Variants in GALNTL6 observed in about 807,000 individuals in gnomAD.
GALNTL6 encodes polypeptide N-acetylgalactosaminyltransferase-like 6.
GALNTL6 carries 46 observed loss-of-function variants against 73.7 expected under a neutral mutation model. The ratio of observed to expected loss-of-function variants is 0.62; its 90% CI spans 0.49 to 0.80. The LOEUF is 0.80. GALNTL6 is among the 30% of genes least tolerant of loss of function. GALNTL6 has a pLI of 0.00. For missense variants in GALNTL6, 604 were observed against 755.0 expected (o/e 0.80, Z 2.34); for synonymous variants, 259 against 263.7 (o/e 0.98, Z 0.17).
At chr4:171,916,349 A>G (rs144896349) in intron 2 of GALNTL6, among the ~76,000 whole-genome samples, 1 of 152,144 alleles carries the variant, frequency 6.6e-6, no homozygotes, top group African/African-American at 2.4e-5. Flanking sequence ...TAATCACAAT[A>G]TATGTCATGA....
intron 5 of GALNTL6, among the ~76,000 whole-genome samples, chr4:172,753,880 G>A (rs1238693107): frequency 6.6e-6 from 1 of 152,128 alleles, no homozygotes; most frequent in Non-Finnish European, 1.5e-5. Flanking sequence ...TTTAGTAGAG[G>A]CCCTTAACTA....
At chr4:172,334,112 T>A (rs1741228669) in intron 4 of GALNTL6, among the ~76,000 whole-genome samples, 1 of 146,798 alleles carries the variant, frequency 6.8e-6, no homozygotes, top group East Asian at 2.0e-4. Context: ...TACTACACTT[T>A]ACTCTACTCT....
rs78221182 is a variant in GALNTL6, at chr4:173,039,867, T to C, written c.1639-66T>C. On this transcript the variant is annotated intron_variant, in intron 12 of 12. Coordinates refer to ENST00000506823, the MANE Select transcript of GALNTL6 (RefSeq NM_001034845.3). ...TAAACAGAAATATCTTACTTCTGTA[T>C]ATTTTGGGTTGTAACCATTCACCAC... is the stretch of plus-strand genomic sequence containing the variant. 4,651 of 1,165,480 alleles carry C rather than the reference T, an allele frequency of 4.0e-3. 141 individuals carry two copies. The African/African-American group carries it at 0.064, about 16-fold the overall frequency. 72.2% of individuals were successfully genotyped at this position (1,165,480 alleles called of 1,614,324 possible).
chr4:172,045,341 G>A (rs1448185705), intron 2 of GALNTL6, among the ~76,000 whole-genome samples: 1 of 151,918 alleles, frequency 6.6e-6, no homozygotes, highest in Non-Finnish European at 1.5e-5. Flanking sequence ...TATTTACGTG[G>A]AAAAATATAA....
At chr4:172,661,647 C>A (rs1035367052) in intron 5 of GALNTL6, among the ~76,000 whole-genome samples, 3 of 152,168 alleles carry the variant, frequency 2.0e-5, no homozygotes, top group African/African-American at 7.2e-5. Context: ...ATATATTCAA[C>A]AAATAATGGA....
chr4:172,742,812 T>C (rs1192607879), intron 5 of GALNTL6, among the ~76,000 whole-genome samples: 1 of 152,090 alleles, frequency 6.6e-6, no homozygotes. Context: ...CTTAATACTA[T>C]AGCAGTCCAC....
At chr4:172,672,079 T>C (rs1732018075) in intron 5 of GALNTL6, among the ~76,000 whole-genome samples, 1 of 152,056 alleles carries the variant, frequency 6.6e-6, no homozygotes, top group African/African-American at 2.4e-5. Flanking sequence ...TTAGTAGACA[T>C]AGGGTTTCAC....
chr4:172,615,100 AGGC>A (rs1335506394), intron 5 of GALNTL6, among the ~76,000 whole-genome samples: 6 of 151,630 alleles, frequency 4.0e-5, no homozygotes, highest in African/African-American at 1.5e-4. Flanking sequence ...GTGACTTCTG[AGGC>A]TAGGGTATTA....
chr4:171,920,618 T>C (rs570500818), intron 2 of GALNTL6, among the ~76,000 whole-genome samples: 12 of 152,210 alleles, frequency 7.9e-5, no homozygotes, highest in Admixed American at 7.2e-4. Context: ...TGAAAAAGTA[T>C]TTTACAATGT....
intron 2 of GALNTL6, among the ~76,000 whole-genome samples, chr4:171,911,525 T>C (rs1737476872): frequency 6.6e-6 from 1 of 152,112 alleles, no homozygotes; most frequent in Non-Finnish European, 1.5e-5. Flanking sequence ...ATGCAACCCC[T>C]GTAGGAAAAC....
At chr4:171,983,369 A>G (rs892237767) in intron 2 of GALNTL6, among the ~76,000 whole-genome samples, 1 of 152,220 alleles carries the variant, frequency 6.6e-6, no homozygotes, top group Non-Finnish European at 1.5e-5. Flanking sequence ...GTTGTGCTCC[A>G]GAAAACTTTC....
intron 5 of GALNTL6, among the ~76,000 whole-genome samples, chr4:172,579,641 A>G (rs923586577): frequency 6.6e-6 from 1 of 152,188 alleles, no homozygotes; most frequent in Non-Finnish European, 1.5e-5. Context: ...AACTGGGAAT[A>G]ATTGACTTAG....
Position 172,721,694 on chromosome 4 carries a change from A to C in GALNTL6, c.554-87667A>C, listed in dbSNP as rs567361336. Among the ~76,000 whole-genome samples, 3 of 152,314 alleles carry C rather than the reference A, an allele frequency of 2.0e-5. No homozygotes were observed. The South Asian group carries it at 6.2e-4, about 32-fold the overall frequency. The stretch of plus-strand genomic sequence containing the variant: ...AGTGGGTTGTCCTGTATTCTTTGTC[A>C]GCTCAAATGAATGCTGTGAGTAGAC... On this transcript the variant is annotated intron_variant, in intron 5 of 12. Transcript: ENST00000506823.
intron 7 of GALNTL6, among the ~76,000 whole-genome samples, chr4:172,833,978 G>A (rs1177701749): frequency 6.6e-6 from 1 of 152,290 alleles, no homozygotes; most frequent in African/African-American, 2.4e-5. Context: ...ATAGCTGAGC[G>A]TGGTGGCGCA....
intron 4 of GALNTL6, among the ~76,000 whole-genome samples, chr4:172,340,966 T>C (rs899966855): frequency 1.2e-4 from 18 of 152,180 alleles, no homozygotes; most frequent in Non-Finnish European, 2.4e-4. Flanking sequence ...TGCTCTATCT[T>C]GCAAACTCTA....
chr4:172,276,744 T>C (rs1411481760), intron 3 of GALNTL6, among the ~76,000 whole-genome samples: 6 of 151,826 alleles, frequency 4.0e-5, no homozygotes, highest in Non-Finnish European at 8.8e-5. Context: ...AATTGTGGGG[T>C]TTTTTTTAGA....
Position 172,483,748 on chromosome 4 carries a change from G to T in GALNTL6, c.553+135059G>T, listed in dbSNP as rs1460171382. On this transcript the variant is annotated intron_variant, in intron 5 of 12. Coordinates refer to ENST00000506823, the MANE Select transcript of GALNTL6 (RefSeq NM_001034845.3). ...ATTTGGTAACTTAAGATACAAGGGGGAGAGTCAAAAATAAGTGAAATGACT... is the reference window on the plus strand; with the variant it reads ...ATTTGGTAACTTAAGATACAAGGGGTAGAGTCAAAAATAAGTGAAATGACT... 2.0e-5 allele frequency among the ~76,000 whole-genome samples: 3 copies of T among 152,260 alleles called. No homozygotes were observed. In the East Asian group the frequency reaches 5.8e-4, roughly 29 times the overall value.
chr4:172,953,744 G>T (rs1431297420), intron 10 of GALNTL6, among the ~76,000 whole-genome samples: 4 of 152,202 alleles, frequency 2.6e-5, no homozygotes, highest in African/African-American at 9.6e-5. Flanking sequence ...CATGGTTTTT[G>T]CATGTGTATG....
At chr4:172,715,649 A>G (rs532481926) in intron 5 of GALNTL6, among the ~76,000 whole-genome samples, 2 of 152,334 alleles carry the variant, frequency 1.3e-5, no homozygotes, top group East Asian at 3.9e-4. Context: ...TGCATAATTA[A>G]TGACATTATA....
Sources: gnomAD v4.1 joint callset for allele counts (sites outside exome capture counted in the v4.1 genomes callset) on GRCh38, gnomAD v4.1.1 for gene constraint, MANE v1.5 for transcripts, NCBI Gene and HGNC (gene_info 2026-07-23, HGNC 2026-07-21) for gene names.